CXXC5: variants seen among roughly 807,000 people sequenced by gnomAD.
CXXC5 encodes CXXC finger protein 5, also known as CXXC-type zinc finger protein 5.
Under a neutral mutation model 17.6 loss-of-function variants are expected in CXXC5, and 2 were observed. The observed-to-expected ratio is 0.11, with a 90% CI of 0.05 to 0.36. The LOEUF (loss-of-function observed/expected upper bound fraction) is 0.36. Ranked by LOEUF, CXXC5 falls within the 10% of genes least tolerant of loss-of-function variation. The probability of loss-of-function intolerance (pLI) is 1.00; values close to 1 mark genes in which losing one functional copy is unlikely to be tolerated. For missense variants in CXXC5, 343 were observed against 458.3 expected (o/e 0.75, Z 2.30); for synonymous variants, 171 against 193.0 (o/e 0.89, Z 0.94).
At chr5:139,662,615 T>A (rs917596322) in intron 1 of CXXC5, among the ~76,000 whole-genome samples, 28 of 152,166 alleles carry the variant, frequency 1.8e-4, no homozygotes, top group Non-Finnish European at 3.1e-4. Flanking sequence ...TCAGGCCCAG[T>A]TGGGCTCCCT....
At chr5:139,669,941 C>T (rs1276234743) in intron 1 of CXXC5, among the ~76,000 whole-genome samples, 2 of 152,230 alleles carry the variant, frequency 1.3e-5, no homozygotes, top group African/African-American at 4.8e-5. Flanking sequence ...TCTTCTGGCT[C>T]CCGCCTCATG....
chr5:139,654,942 A>C (rs570091593), intron 1 of CXXC5, among the ~76,000 whole-genome samples: 8 of 152,140 alleles, frequency 5.3e-5, no homozygotes, highest in African/African-American at 1.9e-4. Context: ...CTGAGCTGTG[A>C]GGCCCAGCCG....
At chr5:139,669,652 C>G (rs1302179869) in intron 1 of CXXC5, among the ~76,000 whole-genome samples, 1 of 152,126 alleles carries the variant, frequency 6.6e-6, no homozygotes, top group Non-Finnish European at 1.5e-5. Context: ...CCTTGTGTGA[C>G]CCCAAGGACA....
intron 1 of CXXC5, among the ~76,000 whole-genome samples, chr5:139,669,073 T>C (rs1205182889): frequency 6.6e-6 from 1 of 152,200 alleles, no homozygotes; most frequent in Admixed American, 6.5e-5. Flanking sequence ...CTCGCTGTGC[T>C]GAGGGCCAGG....
chr5:139,652,167 C>CGTGTGTGTGT (rs1469942183), intron 1 of CXXC5, among the ~76,000 whole-genome samples: 1 of 141,898 alleles, frequency 7.0e-6, no homozygotes, highest in Admixed American at 6.9e-5. Context: ...CGCGCGCGCG[C>CGTGTGTGTGT]GCGCGTGTGT....
intron 1 of CXXC5, among the ~76,000 whole-genome samples, chr5:139,674,414 G>A (rs1176386311): frequency 6.6e-6 from 1 of 152,318 alleles, no homozygotes; most frequent in Non-Finnish European, 1.5e-5. Context: ...CAAGGGCCGG[G>A]ATGTCAAGTG....
intron 1 of CXXC5, among the ~76,000 whole-genome samples, chr5:139,660,639 C>G (rs1368774127): frequency 6.6e-6 from 1 of 151,982 alleles, no homozygotes; most frequent in Non-Finnish European, 1.5e-5. Flanking sequence ...GGGGGATACG[C>G]TGCCCCAAGG....
chr5:139,652,169 C>CGTGT (rs1223071797), intron 1 of CXXC5, among the ~76,000 whole-genome samples: 119 of 140,058 alleles, frequency 8.5e-4, no homozygotes, highest in East Asian at 1.5e-3. Flanking sequence ...CGCGCGCGCG[C>CGTGT]GCGTGTGTGT....
At chr5:139,655,716 T>C (rs944462424) in intron 1 of CXXC5, among the ~76,000 whole-genome samples, 1 of 151,958 alleles carries the variant, frequency 6.6e-6, no homozygotes, top group Non-Finnish European at 1.5e-5. Flanking sequence ...TCCGCCTGCC[T>C]GTCCACCCCC....
In CXXC5 at chr5:139,652,163, CGCGCGCGCGTGT is replaced by C. The variant is rs1437806861; in HGVS notation, c.-161+3320_-161+3331del. 3.0e-4 allele frequency among the ~76,000 whole-genome samples: 42 copies of C among 139,898 alleles called. 1 individual carries two copies. Among genetic ancestry groups the C allele is most frequent in the Admixed American group, 4.9e-4 (7 of 14,314 alleles). The allele number at this position is 139,898 out of a possible 152,430, so 91.8% of individuals were successfully genotyped here. ...CTAGCCGCCGGCGCGCGCGCGCGCGCGCGCGCGCGTGTGTGTGTGTGTGTGTGTGTGTGGCTG... is the reference window on the plus strand; with the variant it reads ...CTAGCCGCCGGCGCGCGCGCGCGCGCGTGTGTGTGTGTGTGTGTGTGGCTG... On this transcript the variant is annotated intron_variant, in intron 1 of 2. Transcript: ENST00000302517.
rs1206132657 is a variant in CXXC5, at chr5:139,683,809, G to A, written c.*902G>A. ...TGCCCACGGCCAGCTTCCTGCTGAT[G>A]AACATGCTGTTTGTATTGTTTTAGG... On this transcript the variant is annotated 3_prime_UTR_variant, in exon 3 of 3. Coordinates refer to ENST00000302517, the MANE Select transcript of CXXC5 (RefSeq NM_016463.9). The A allele has an allele frequency of 3.3e-5, 5 of 152,536 alleles. No homozygotes were observed. The East Asian group carries it at 9.6e-4, about 29-fold the overall frequency. The allele number at this position is 152,536 out of a possible 1,614,324, so 9.4% of individuals were successfully genotyped here. A position where few individuals can be genotyped will look rare whatever the true frequency, so the allele number is the denominator to read the frequency against.
intron 1 of CXXC5, among the ~76,000 whole-genome samples, chr5:139,671,055 T>C (rs1756439317): frequency 6.6e-6 from 1 of 152,256 alleles, no homozygotes; most frequent in Admixed American, 6.5e-5. Flanking sequence ...GGAAGTGAGC[T>C]TGAGGCCTCA....
At chr5:139,659,115 G>T (rs1755638270) in intron 1 of CXXC5, among the ~76,000 whole-genome samples, 1 of 152,206 alleles carries the variant, frequency 6.6e-6, no homozygotes, top group Non-Finnish European at 1.5e-5. Flanking sequence ...GCAGAATGGA[G>T]GTGGTTACCC....
chr5:139,677,583 C>G (rs1190918256), intron 1 of CXXC5, among the ~76,000 whole-genome samples: 1 of 152,328 alleles, frequency 6.6e-6, no homozygotes, highest in East Asian at 1.9e-4. Context: ...GCCAGTCCCT[C>G]CGTGTACCCA....
intron 2 of CXXC5, among the ~76,000 whole-genome samples, chr5:139,682,265 A>G (rs1044590230): frequency 3.9e-5 from 6 of 152,110 alleles, no homozygotes; most frequent in African/African-American, 1.4e-4. Flanking sequence ...AAATGTCCAG[A>G]ATGGTTGGAA....
At chr5:139,654,819 G>C (rs1432015949) in intron 1 of CXXC5, among the ~76,000 whole-genome samples, 2 of 152,246 alleles carry the variant, frequency 1.3e-5, no homozygotes, top group African/African-American at 4.8e-5. Context: ...GGGTGGGGTA[G>C]AGCTGGTGAA....
chr5:139,682,533 C>T lies in CXXC5; in HGVS notation c.925-330C>T, dbSNP rs138203190. On this transcript the variant is annotated intron_variant, in intron 2 of 2. Coordinates refer to ENST00000302517, the MANE Select transcript of CXXC5 (RefSeq NM_016463.9). ...GGCACACACCCATATGCACACCCGT[C>T]GCACGTGCTCACACGCTCATTTACA... 8.5e-5 allele frequency among the ~76,000 whole-genome samples: 13 copies of T among 152,334 alleles called. No individual in the cohort carries two copies. The East Asian group carries it at 2.1e-3, about 25-fold the overall frequency.
In CXXC5 at chr5:139,680,870, C is replaced by G. The variant is rs769839621; in HGVS notation, c.347C>G (p.Ala116Gly). 1 of 1,608,900 alleles carries G rather than the reference C, an allele frequency of 6.2e-7. No homozygotes were observed. The highest frequency in any genetic ancestry group is 1.3e-5 in the African/African-American group (1 of 74,950). The change falls in exon 2 of 3, where the codon GCC becomes GGC. Residue 116 changes from alanine to glycine, a missense_variant. Around this residue, in one of 4 missense-constraint regions of CXXC5, gnomAD observed 297 missense variants for 363.4 expected, o/e 0.82. Transcript: ENST00000302517. Reference protein sequence around the residue: ...TAAAAAASLLANGHDLAAAMA... With the variant: ...TAAAAAASLLGNGHDLAAAMA... Reference sequence around the variant, plus strand: ...GCTGCAGCCGCTGCCTCCCTGTTGGCCAATGGGCATGACCTGGCGGCGGCC... The same window carrying G: ...GCTGCAGCCGCTGCCTCCCTGTTGGGCAATGGGCATGACCTGGCGGCGGCC...
At position 139,670,717 on chromosome 5, in the gene CXXC5, G is replaced by T. The variant is rs1297544924; in HGVS notation, c.-160-9647G>T. 6.6e-6 allele frequency among the ~76,000 whole-genome samples: 1 copy of T among 152,096 alleles called. No individual in the cohort carries two copies. Among genetic ancestry groups the T allele is most frequent in the Non-Finnish European group, 1.5e-5 (1 of 68,016 alleles). On this transcript the variant is annotated intron_variant, in intron 1 of 2. Coordinates refer to ENST00000302517, the MANE Select transcript of CXXC5 (RefSeq NM_016463.9). The surrounding 1 kb of genome is among the most constrained non-coding windows in gnomAD (Gnocchi z 4.2). ...ACATCCATGTACATTCACAGACTTG[G>T]GTCGCACACACATGCCTCCACTTTA...
Sources: gnomAD v4.1 joint callset for allele counts (sites outside exome capture counted in the v4.1 genomes callset) on GRCh38, gnomAD v4.1.1 for gene constraint, gnomAD v4.1.1 regional missense constraint, Gnocchi (gnomAD v3.1) non-coding constraint, MANE v1.5 for transcripts, NCBI Gene and HGNC (gene_info 2026-07-23, HGNC 2026-07-21) for gene names.